The following RUSC1 variants were observed in gnomAD, a reference collection of about 807,000 sequenced individuals.
RUSC1 encodes RUN and SH3 domain containing 1.
A neutral mutation model predicts 72.1 loss-of-function variants in RUSC1; 40 were observed. That is an observed-to-expected ratio of 0.55 (90% CI 0.43 to 0.72). The LOEUF (loss-of-function observed/expected upper bound fraction) is 0.72, where lower values mean the gene tolerates loss of function less well. Ranked by LOEUF, RUSC1 falls within the 30% of genes least tolerant of loss-of-function variation. The probability of loss-of-function intolerance (pLI) is 0.00; values close to 1 mark genes in which losing one functional copy is unlikely to be tolerated. For synonymous variants in RUSC1, 512 were observed against 494.2 expected, an observed-to-expected ratio of 1.04 and a Z score of -0.48; for missense variants, 1,092 against 1,172.3, an observed-to-expected ratio of 0.93 and a Z score of 1.00.
rs1370256179 is a variant in RUSC1, at chr1:155,330,678, T to C, written c.*107T>C. ...TTTCCCTCTGCAAAATGACGTTTCT[T>C]CCCACGTCTGTTTCTGCTAATATTT... On this transcript the variant is annotated 3_prime_UTR_variant, in exon 10 of 10. Coordinates refer to ENST00000368352, the MANE Select transcript of RUSC1 (RefSeq NM_001105203.2). 5.4e-6 allele frequency: 6 copies of C among 1,111,570 alleles called. No individual in the cohort carries two copies. Among genetic ancestry groups the C allele is most frequent in the African/African-American group, 3.2e-5 (2 of 62,482 alleles). The allele number at this position is 1,111,570 out of a possible 1,614,324, so 68.9% of individuals were successfully genotyped here. A position where few individuals can be genotyped will look rare whatever the true frequency, so the allele number is the denominator to read the frequency against.
chr1:155,321,020 A>C lies in RUSC1; in HGVS notation c.-87+29A>C. On this transcript the variant is annotated intron_variant, in intron 1 of 9. Transcript: ENST00000368352. ...AGGAGGGCTCGGCCCATGGGTGTAG[A>C]CCGATGGACCTGGGCACGAGGGGCG... The C allele has an allele frequency of 2.0e-6, 3 of 1,492,304 alleles. No homozygotes were observed. The South Asian group carries it at 3.4e-5, about 17-fold the overall frequency. The allele number at this position is 1,492,304 out of a possible 1,614,324, so 92.4% of individuals were successfully genotyped here.
At position 155,323,097 on chromosome 1, in the gene RUSC1, G is replaced by T; in HGVS notation, c.1324G>T (p.Ala442Ser). 2 of 1,425,702 alleles carry T rather than the reference G, an allele frequency of 1.4e-6. No homozygotes were observed. The highest frequency in any genetic ancestry group is 3.0e-5 in the South Asian group (2 of 65,986). 88.3% of individuals were successfully genotyped at this position (1,425,702 alleles called of 1,614,324 possible). A position where few individuals can be genotyped will look rare whatever the true frequency, so the allele number is the denominator to read the frequency against. Residue 442 changes from alanine to serine, a missense_variant, in exon 2 of 10, where the codon GCG becomes TCG. Transcript: ENST00000368352. The stretch of plus-strand genomic sequence containing the variant: ...AGCGGCTGGCGAGGAGGCCCCAGCC[G>T]CGAAGGAGCCGGGCGCGCAGGCCGG... The part of the protein sequence containing the change: ...SPAAGEEAPA[A>S]KEPGAQAGLE...
At chr1:155,324,130 T>G in intron 2 of RUSC1, 5 of 1,254,298 alleles carry the variant, frequency 4.0e-6, no homozygotes, top group East Asian at 4.4e-5. Flanking sequence ...GTTAGGGGCT[T>G]TGGGTCACAC....
rs778398403 is a variant in RUSC1, at chr1:155,320,973, C to A, written c.-105C>A. On this transcript the variant is annotated 5_prime_UTR_variant, in exon 1 of 10. Coordinates refer to ENST00000368352, the MANE Select transcript of RUSC1 (RefSeq NM_001105203.2). ...GCCGCGGACAAGCCCAAGGCCGGAG[C>A]GGTTCCAGGAGGACCCTGGTGAGGA... is the stretch of plus-strand genomic sequence containing the variant. The A allele has an allele frequency of 1.3e-6, 2 of 1,541,532 alleles. No individual in the cohort carries two copies. The highest frequency in any genetic ancestry group is 1.8e-6 in the Non-Finnish European group (2 of 1,137,384).
intron 2 of RUSC1, chr1:155,324,362 C>G: frequency 6.2e-7 from 1 of 1,607,512 alleles, no homozygotes; most frequent in Non-Finnish European, 8.5e-7. Context: ...TCCCAATCCT[C>G]GGGTCTCGCC....
In RUSC1 at chr1:155,321,809, C is replaced by T; in HGVS notation, c.36C>T (p.Leu12=). The T allele has an allele frequency of 6.2e-7, 1 of 1,614,010 alleles. No homozygotes were observed. The highest frequency in any genetic ancestry group is 8.5e-7 in the Non-Finnish European group (1 of 1,180,018). ...CTCAGAGAGCTTTACTCTGCAACCTCAACCACATCCACCTCCAGCACGTCT... is the reference window on the plus strand; with the variant it reads ...CTCAGAGAGCTTTACTCTGCAACCTTAACCACATCCACCTCCAGCACGTCT... ...LSPQRALLCN[L]NHIHLQHVSL... is the part of the protein sequence containing the mutation. The change falls in exon 2 of 10, where the codon CTC becomes CTT. Residue 12 remains leucine, a synonymous_variant. Transcript: ENST00000368352.
At chr1:155,323,471 GT>G (rs1650846467) in intron 2 of RUSC1, 1 of 201,816 alleles carries the variant, frequency 5.0e-6, no homozygotes, top group South Asian at 1.8e-4. Flanking sequence ...CTGTTGGAGG[GT>G]GGGGGCGCAG....
At chr1:155,329,484 C>G (rs1185435905) in intron 9 of RUSC1, among the ~76,000 whole-genome samples, 2 of 151,230 alleles carry the variant, frequency 1.3e-5, no homozygotes, top group African/African-American at 4.9e-5. Flanking sequence ...CCTCCGCCTC[C>G]TGGGTTCAAG....
chr1:155,330,914 C>T lies in RUSC1; in HGVS notation c.*343C>T, dbSNP rs143257678. The T allele has an allele frequency of 3.0e-4, 56 of 185,638 alleles. 2 individuals carry two copies. Among genetic ancestry groups the T allele is most frequent in the Middle Eastern group, 4.9e-3 (2 of 408 alleles). 11.5% of individuals were successfully genotyped at this position (185,638 alleles called of 1,614,324 possible). A position where few individuals can be genotyped will look rare whatever the true frequency, so the allele number is the denominator to read the frequency against. On this transcript the variant is annotated 3_prime_UTR_variant, in exon 10 of 10. Transcript: ENST00000368352. ...TGGACTGTGCCAGTACAATACATGCCTCAGCCCCCAAGCCTAGAAGGACCT... is the reference window on the plus strand; with the variant it reads ...TGGACTGTGCCAGTACAATACATGCTTCAGCCCCCAAGCCTAGAAGGACCT...
intron 1 of RUSC1, chr1:155,321,433 C>A (rs754220800): frequency 7.1e-7 from 1 of 1,413,156 alleles, no homozygotes; most frequent in South Asian, 1.1e-5. Context: ...TCCAGGCCCC[C>A]GCCCCCCTTC....
chr1:155,324,395 C>T (rs778846678), intron 2 of RUSC1: 1 of 1,613,008 alleles, frequency 6.2e-7, no homozygotes, highest in Non-Finnish European at 8.5e-7. Context: ...CTCCCTTTCC[C>T]CTGTCTGTCT....
rs1179648469 is a variant in RUSC1, at chr1:155,327,102, C to A, written c.2384C>A (p.Ala795Glu). ...GRLFGVPGGP[A>E]ENENGALKSR... ...CTATTTGGAGTGCCTGGGGGCCCCG[C>A]AGAAAATGAGAATGGAGCCCTAAAG... is the stretch of plus-strand genomic sequence containing the variant. The change falls in exon 8 of 10, where the codon GCA becomes GAA. Residue 795 changes from alanine (A) to glutamate (E), a missense_variant. Transcript: ENST00000368352. 1.2e-6 allele frequency: 2 copies of A among 1,607,262 alleles called. No homozygotes were observed. Among genetic ancestry groups the A allele is most frequent in the Admixed American group, 1.7e-5 (1 of 59,640 alleles).
chr1:155,321,765 G>T lies in RUSC1; in HGVS notation c.-9G>T, dbSNP rs754116407. 5.6e-6 allele frequency: 9 copies of T among 1,613,662 alleles called. No homozygotes were observed. The highest frequency in any genetic ancestry group is 6.8e-6 in the Non-Finnish European group (8 of 1,179,964). ...GTTCTCTAGAAGCCATCCCATCGCC[G>T]CTAGCATCATGCTGTCCCCTCAGAG... On this transcript the variant is annotated 5_prime_UTR_variant, in exon 2 of 10. Transcript: ENST00000368352.
chr1:155,323,703 C>T (rs1340099654), intron 2 of RUSC1: 1 of 154,060 alleles, frequency 6.5e-6, no homozygotes, highest in African/African-American at 2.4e-5. Flanking sequence ...GCACCTTCCC[C>T]GCCGCGGCTC....
In RUSC1 at chr1:155,325,705, G is replaced by C; in HGVS notation, c.1814+33G>C. The C allele has an allele frequency of 6.2e-7, 1 of 1,609,308 alleles. No homozygotes were observed. Among genetic ancestry groups the C allele is most frequent in the Non-Finnish European group, 8.5e-7 (1 of 1,176,542 alleles). On this transcript the variant is annotated intron_variant, in intron 6 of 9. Coordinates refer to ENST00000368352, the MANE Select transcript of RUSC1 (RefSeq NM_001105203.2). This position sits in a 1 kb window ranked among gnomAD's most constrained non-coding sequence, Gnocchi z 6.5. ...GCCTTCTTTCCAGTGCCCTTCCCAC[G>C]ACCTGGGACTGCAGGAGCGTCATGG...
At position 155,326,022 on chromosome 1, in the gene RUSC1, CG is replaced by C. The variant is rs1262210730; in HGVS notation, c.1861+113del. On this transcript the variant is annotated intron_variant, in intron 7 of 9. Transcript: ENST00000368352. The surrounding 1 kb of genome is among the most constrained non-coding windows in gnomAD (Gnocchi z 4.7). ...CCAGAATGCCATTAATCCAGATCTCCGATCTTATTACTCTTCTAATTAAAAC... is the reference window on the plus strand; with the variant it reads ...CCAGAATGCCATTAATCCAGATCTCCATCTTATTACTCTTCTAATTAAAAC... 1 of 1,141,074 alleles carries C rather than the reference CG, an allele frequency of 8.8e-7. No individual in the cohort carries two copies. Among genetic ancestry groups the C allele is most frequent in the African/African-American group, 1.5e-5 (1 of 65,486 alleles). The allele number at this position is 1,141,074 out of a possible 1,614,324, so 70.7% of individuals were successfully genotyped here.
intron 2 of RUSC1, chr1:155,323,397 T>A: frequency 5.4e-6 from 2 of 367,470 alleles, no homozygotes; most frequent in Non-Finnish European, 9.6e-6. Context: ...CAATCCCGCC[T>A]GCAGCCGGTC....
chr1:155,321,938 C>A lies in RUSC1; in HGVS notation c.165C>A (p.Cys55Ter). The change falls in exon 2 of 10, where the codon TGC (cysteine) becomes TGA (stop). Residue 55 changes from cysteine (C) to a stop codon, truncating the protein, a stop_gained. Coordinates refer to ENST00000368352, the MANE Select transcript of RUSC1 (RefSeq NM_001105203.2). LOFTEE classifies it high-confidence loss of function. ...DTGGKESRGP[C>*]SGTLVDANSN... Reference sequence around the variant, plus strand: ...GGGGCAAGGAGAGCAGGGGCCCCTGCAGTGGCACCCTGGTGGACGCCAATT... The same window carrying A: ...GGGGCAAGGAGAGCAGGGGCCCCTGAAGTGGCACCCTGGTGGACGCCAATT... The A allele has an allele frequency of 6.2e-7, 1 of 1,603,318 alleles. No homozygotes were observed. The highest frequency in any genetic ancestry group is 8.5e-7 in the Non-Finnish European group (1 of 1,175,018).
At position 155,326,977 on chromosome 1, in the gene RUSC1, G is replaced by A. The variant is rs1431064963; in HGVS notation, c.2259G>A (p.Trp753Ter). 6.2e-7 allele frequency: 1 copy of A among 1,613,592 alleles called. No homozygotes were observed. Among genetic ancestry groups the A allele is most frequent in the African/African-American group, 1.3e-5 (1 of 74,938 alleles). ...GGTEGFPLSR[W>*]APGRHGTAAE... ...CTGAGGGCTTTCCTCTTTCCCGATG[G>A]GCACCGGGGCGTCATGGGACTGCAG... The change falls in exon 8 of 10, where the codon TGG becomes TGA. Residue 753 changes from tryptophan to a stop codon, truncating the protein, a stop_gained. Coordinates refer to ENST00000368352, the MANE Select transcript of RUSC1 (RefSeq NM_001105203.2). LOFTEE classifies it high-confidence loss of function. This position sits in a 1 kb window ranked among gnomAD's most constrained non-coding sequence, Gnocchi z 4.7.
Sources: gnomAD v4.1 joint callset for allele counts (sites outside exome capture counted in the v4.1 genomes callset) on GRCh38, gnomAD v4.1.1 for gene constraint, Gnocchi (gnomAD v3.1) non-coding constraint, MANE v1.5 for transcripts, NCBI Gene and HGNC (gene_info 2026-07-23, HGNC 2026-07-21) for gene names.